Variants in PDIK1L observed in about 807,000 individuals in gnomAD.
The protein encoded by PDIK1L is serine/threonine-protein kinase PDIK1L.
A neutral mutation model predicts 27.1 loss-of-function variants in PDIK1L; 9 were observed. The observed-to-expected ratio is 0.33, with a 90% CI of 0.20 to 0.58. The LOEUF (loss-of-function observed/expected upper bound fraction) is 0.58, where lower values mean the gene tolerates loss of function less well. PDIK1L is among the 20% of genes least tolerant of loss of function. The pLI is 0.86. For missense variants in PDIK1L, 216 were observed against 413.2 expected (o/e 0.52, Z 4.14); for synonymous variants, 130 against 141.7 (o/e 0.92, Z 0.59).
rs140163051 is a variant in PDIK1L at position 26,125,533 on chromosome 1, CAA to C, written c.*2965_*2966del. 1 of 143,660 alleles carries C rather than the reference CAA, an allele frequency of 7.0e-6. No individual in the cohort carries two copies. Among genetic ancestry groups the C allele is most frequent in the Non-Finnish European group, 1.5e-5 (1 of 65,260 alleles). 8.9% of individuals were successfully genotyped at this position (143,660 alleles called of 1,614,324 possible). On this transcript the variant is annotated 3_prime_UTR_variant, in exon 3 of 3. Coordinates refer to ENST00000374269, the MANE Select transcript of PDIK1L (RefSeq NM_152835.5). ...TTTTTTTAAATAAAGTGAGTTTCAA[CAA>C]AAAAAAAACTGAAAATTCTACATTG...
intron 2 of PDIK1L, among the ~76,000 whole-genome samples, chr1:26,118,575 C>A (rs961446466): frequency 3.9e-5 from 6 of 152,156 alleles, no homozygotes; most frequent in Admixed American, 1.3e-4. Context: ...CTCTTCCTAG[C>A]CTCTATTTCT....
chr1:26,118,872 C>T (rs1468475945), intron 2 of PDIK1L, among the ~76,000 whole-genome samples: 7 of 152,174 alleles, frequency 4.6e-5, no homozygotes, highest in African/African-American at 1.2e-4. Flanking sequence ...ATTCTCCATA[C>T]GGATTTTAAT....
rs377728240 is a variant in PDIK1L at position 26,117,743 on chromosome 1, CAAAACA to C, written c.285+3167_285+3172del. On this transcript the variant is annotated intron_variant, in intron 2 of 2. Coordinates refer to ENST00000374269, the MANE Select transcript of PDIK1L (RefSeq NM_152835.5). ...GGGTGACAGAACGAGACTCCATCTC[CAAAACA>C]AAAACAAAAACAAAAAGTGGATAGA... 4.2e-3 allele frequency among the ~76,000 whole-genome samples: 634 copies of C among 150,508 alleles called. 3 individuals are homozygous for C. The highest frequency in any genetic ancestry group is 0.014 in the African/African-American group (576 of 40,944).
In PDIK1L at chr1:26,114,340, T is replaced by G; in HGVS notation, c.32T>G (p.Ile11Arg). The change falls in exon 2 of 3, where the codon ATA (isoleucine) becomes AGA (arginine). Residue 11 changes from isoleucine (I) to arginine (R), a missense_variant. Physicochemically the swap from Ile to Arg is moderately conservative, Grantham distance 97. Around this residue, in one of 2 missense-constraint regions of PDIK1L, gnomAD observed 47 missense variants for 47.2 expected, o/e 1.00. Transcript: ENST00000374269. This position sits in a 1 kb window ranked among gnomAD's most constrained non-coding sequence, Gnocchi z 4.8. ...AGTAGCCAGCCAAAGTACGATCTAA[T>G]ACGGGAGGTAGGCCGAGGTAGTTAC... Reference protein sequence around the residue: MVSSQPKYDLIREVGRGSYGV... With the variant: MVSSQPKYDLRREVGRGSYGV... 1 of 1,614,004 alleles carries G rather than the reference T, an allele frequency of 6.2e-7. No homozygotes were observed. The highest frequency in any genetic ancestry group is 8.5e-7 in the Non-Finnish European group (1 of 1,179,940).
intron 2 of PDIK1L, among the ~76,000 whole-genome samples, chr1:26,116,747 C>T (rs1294269499): frequency 6.6e-6 from 1 of 152,126 alleles, no homozygotes; most frequent in Non-Finnish European, 1.5e-5. Flanking sequence ...GAAGTTTTTG[C>T]TCTTGTCGCC....
At chr1:26,118,009 G>A (rs1011616048) in intron 2 of PDIK1L, among the ~76,000 whole-genome samples, 14 of 147,474 alleles carry the variant, frequency 9.5e-5, no homozygotes, top group East Asian at 2.0e-4. Flanking sequence ...ACAGTGAGCC[G>A]AGATTGGGCC....
Position 26,114,628 on chromosome 1 carries a change from G to T in PDIK1L, c.285+35G>T. 6.3e-7 allele frequency: 1 copy of T among 1,597,076 alleles called. No individual in the cohort carries two copies. Among genetic ancestry groups the T allele is most frequent in the South Asian group, 1.1e-5 (1 of 89,990 alleles). On this transcript the variant is annotated intron_variant, in intron 2 of 2. Coordinates refer to ENST00000374269, the MANE Select transcript of PDIK1L (RefSeq NM_152835.5). The surrounding 1 kb of genome is among the most constrained non-coding windows in gnomAD (Gnocchi z 4.8). The stretch of plus-strand genomic sequence containing the variant: ...GTTGATTGGGAAATAGAAATGATTT[G>T]AACATGGCATTGGCCAGCAAGAAGA...
chr1:26,123,739 GATAC>G lies in PDIK1L; in HGVS notation c.*1168_*1171del, dbSNP rs2088032333. On this transcript the variant is annotated 3_prime_UTR_variant, in exon 3 of 3. Transcript: ENST00000374269. ...ATCACCTTTATCTAAAGTGGGAGAA[GATAC>G]ATACACAGTATGGCAAATGGATAAA... The G allele has an allele frequency of 6.6e-6, 1 of 152,548 alleles. No homozygotes were observed. Among genetic ancestry groups the G allele is most frequent in the Non-Finnish European group, 1.5e-5 (1 of 68,018 alleles). 9.4% of individuals were successfully genotyped at this position (152,548 alleles called of 1,614,324 possible).
Position 26,125,335 on chromosome 1 carries a change from CTA to C in PDIK1L, c.*2760_*2761del, listed in dbSNP as rs2088060133. ...TAATTGTAAATTGTTATCAATCAAA[CTA>C]TTGTAGCAGCTACAAAGTAATTCAC... On this transcript the variant is annotated 3_prime_UTR_variant, in exon 3 of 3. Transcript: ENST00000374269. The C allele has an allele frequency of 1.3e-5, 2 of 152,510 alleles. No individual in the cohort carries two copies. Among genetic ancestry groups the C allele is most frequent in the Non-Finnish European group, 2.9e-5 (2 of 67,992 alleles). The allele number at this position is 152,510 out of a possible 1,614,324, so 9.4% of individuals were successfully genotyped here.
Position 26,114,531 on chromosome 1 carries a change from C to G in PDIK1L, c.223C>G (p.Leu75Val). The change falls in exon 2 of 3, where the codon CTA becomes GTA. Residue 75 changes from leucine to valine, a missense_variant. Physicochemically the swap from Leu to Val is conservative, Grantham distance 32. Around this residue, in one of 2 missense-constraint regions of PDIK1L, gnomAD observed 169 missense variants for 366.0 expected, o/e 0.46. Coordinates refer to ENST00000374269, the MANE Select transcript of PDIK1L (RefSeq NM_152835.5). The surrounding 1 kb of genome is among the most constrained non-coding windows in gnomAD (Gnocchi z 4.8). ...PNVIHLEECI[L>V]QKDGMVQKMS... ...TGTGATTCACTTGGAGGAATGCATCCTACAAAAGGATGGGATGGTGCAAAA... is the reference window on the plus strand; with the variant it reads ...TGTGATTCACTTGGAGGAATGCATCGTACAAAAGGATGGGATGGTGCAAAA... 6.2e-7 allele frequency: 1 copy of G among 1,614,098 alleles called. No homozygotes were observed. The highest frequency in any genetic ancestry group is 8.5e-7 in the Non-Finnish European group (1 of 1,179,978).
chr1:26,120,586 T>C lies in PDIK1L; in HGVS notation c.286-1251T>C, dbSNP rs114357936. Among the ~76,000 whole-genome samples, 1,300 of 152,358 alleles carry C rather than the reference T, an allele frequency of 8.5e-3. 14 individuals carry two copies. The highest frequency in any genetic ancestry group is 0.028 in the African/African-American group (1,177 of 41,584). Reference sequence around the variant, plus strand: ...TGTGAAATTAGCAATTCATTCACTCTTCAGCAACTCTTCGGCCTTTTCTGT... The same window carrying C: ...TGTGAAATTAGCAATTCATTCACTCCTCAGCAACTCTTCGGCCTTTTCTGT... On this transcript the variant is annotated intron_variant, in intron 2 of 2. Coordinates refer to ENST00000374269, the MANE Select transcript of PDIK1L (RefSeq NM_152835.5).
Position 26,123,617 on chromosome 1 carries a change from G to C in PDIK1L, c.*1040G>C, listed in dbSNP as rs529197824. ...TTTGCCTGCCCTGATATGATCACTT[G>C]TTGAGTCACTGGAGTTCCTTTCATT... On this transcript the variant is annotated 3_prime_UTR_variant, in exon 3 of 3. Transcript: ENST00000374269. 1 of 152,708 alleles carries C rather than the reference G, an allele frequency of 6.5e-6. No individual in the cohort carries two copies. Among genetic ancestry groups the C allele is most frequent in the East Asian group, 1.9e-4 (1 of 5,188 alleles). The allele number at this position is 152,708 out of a possible 1,614,324, so 9.5% of individuals were successfully genotyped here.
chr1:26,112,566 A>T (rs2087815403), intron 1 of PDIK1L: 1 of 152,302 alleles, frequency 6.6e-6, no homozygotes, highest in African/African-American at 2.4e-5. Context: ...CCCGTAGAGC[A>T]GGAAAGCTCG....
intron 2 of PDIK1L, 86 bp from the exon 3 acceptor site, chr1:26,121,751 G>T: frequency 7.3e-7 from 1 of 1,367,536 alleles, no homozygotes; most frequent in African/African-American, 1.5e-5. Context: ...GGTGGAGACT[G>T]ACTTAACCTT....
rs1302923255 is a variant in PDIK1L, at chr1:26,111,977, GCCTC to G, written c.-18+70_-18+73del. ...CTGCAGAGCCGATGGCCCTGCATGT[GCCTC>G]CCTCCCTGGGAGGCTTGTCACAGAC... is the stretch of plus-strand genomic sequence containing the variant. On this transcript the variant is annotated intron_variant, in intron 1 of 2. Coordinates refer to ENST00000374269, the MANE Select transcript of PDIK1L (RefSeq NM_152835.5). This position sits in a 1 kb window ranked among gnomAD's most constrained non-coding sequence, Gnocchi z 4.0. The G allele has an allele frequency of 1.3e-5, 2 of 152,210 alleles. No homozygotes were observed. Among genetic ancestry groups the G allele is most frequent in the African/African-American group, 4.8e-5 (2 of 41,448 alleles). The allele number at this position is 152,210 out of a possible 1,614,324, so 9.4% of individuals were successfully genotyped here. A position where few individuals can be genotyped will look rare whatever the true frequency, so the allele number is the denominator to read the frequency against.
rs1347936610 is a variant in PDIK1L at position 26,123,974 on chromosome 1, T to G, written c.*1397T>G. The G allele has an allele frequency of 6.6e-6, 1 of 152,662 alleles. No homozygotes were observed. The highest frequency in any genetic ancestry group is 6.5e-5 in the Admixed American group (1 of 15,278). 9.5% of individuals were successfully genotyped at this position (152,662 alleles called of 1,614,324 possible). On this transcript the variant is annotated 3_prime_UTR_variant, in exon 3 of 3. Coordinates refer to ENST00000374269, the MANE Select transcript of PDIK1L (RefSeq NM_152835.5). ...AGAATGCTTTCCTAAAACAGAACAT[T>G]AGCCTTTAAGGTTAAATAGACTTTA...
At chr1:26,121,653 A>G (rs2087990404) in intron 2 of PDIK1L, among the ~76,000 whole-genome samples, 184 bp from the exon 3 acceptor site, 1 of 152,218 alleles carries the variant, frequency 6.6e-6, no homozygotes, top group Non-Finnish European at 1.5e-5. Context: ...ATCAGGGACA[A>G]AATGACAAGT....
In PDIK1L at chr1:26,123,836, A is replaced by G. The variant is rs1444741326; in HGVS notation, c.*1259A>G. 6.6e-6 allele frequency: 1 copy of G among 152,656 alleles called. No individual in the cohort carries two copies. Among genetic ancestry groups the G allele is most frequent in the Non-Finnish European group, 1.5e-5 (1 of 68,028 alleles). The allele number at this position is 152,656 out of a possible 1,614,324, so 9.5% of individuals were successfully genotyped here. On this transcript the variant is annotated 3_prime_UTR_variant, in exon 3 of 3. Coordinates refer to ENST00000374269, the MANE Select transcript of PDIK1L (RefSeq NM_152835.5). ...TTTTATACAATCACTGATACAGTCTATGTCAAAAAACCAACAGACCATTAT... is the reference window on the plus strand; with the variant it reads ...TTTTATACAATCACTGATACAGTCTGTGTCAAAAAACCAACAGACCATTAT...
chr1:26,114,568 G>A lies in PDIK1L; in HGVS notation c.260G>A (p.Gly87Asp), dbSNP rs577906448. ...GGGATGGTGCAAAAGATGTCCCACG[G>A]CTCTAATTCTTCCCTTTATTTACAG... Reference protein sequence around the residue: ...KDGMVQKMSHGSNSSLYLQLV... With the variant: ...KDGMVQKMSHDSNSSLYLQLV... Residue 87 changes from glycine to aspartate, a missense_variant, in exon 2 of 3, where the codon GGC becomes GAC. Around this residue, in one of 2 missense-constraint regions of PDIK1L, gnomAD observed 169 missense variants for 366.0 expected, o/e 0.46. Coordinates refer to ENST00000374269, the MANE Select transcript of PDIK1L (RefSeq NM_152835.5). The surrounding 1 kb of genome is among the most constrained non-coding windows in gnomAD (Gnocchi z 4.8). 1.9e-6 allele frequency: 3 copies of A among 1,613,730 alleles called. No individual in the cohort carries two copies. The highest frequency in any genetic ancestry group is 1.3e-5 in the African/African-American group (1 of 75,054).
Sources: allele counts gnomAD v4.1 joint callset (sites outside exome capture counted in the v4.1 genomes callset), GRCh38; gene constraint gnomAD v4.1.1; regional missense constraint gnomAD v4.1.1; non-coding constraint Gnocchi (gnomAD v3.1); transcripts MANE v1.5; gene names NCBI Gene and HGNC (gene_info 2026-07-23, HGNC 2026-07-21).